The following ADGRB3 variants were observed in gnomAD, a reference collection of about 807,000 sequenced individuals.
ADGRB3 encodes brain-specific angiogenesis inhibitor 3.
Under a neutral mutation model 193.4 loss-of-function variants are expected in ADGRB3, and 37 were observed. The ratio of observed to expected loss-of-function variants is 0.19; its 90% CI spans 0.15 to 0.25. The LOEUF (loss-of-function observed/expected upper bound fraction) is 0.25, where lower values mean the gene tolerates loss of function less well. Among genes scored for constraint, ADGRB3 ranks in the 10% least tolerant of loss-of-function variants. The pLI is 1.00. For synonymous variants in ADGRB3, 690 were observed against 644.2 expected (o/e 1.07, Z -1.08); for missense variants, 1,637 against 1,852.9 (o/e 0.88, Z 2.14).
chr6:68,963,152 G>C (rs559552939), intron 8 of ADGRB3, among the ~76,000 whole-genome samples: 1 of 152,260 alleles, frequency 6.6e-6, no homozygotes, highest in East Asian at 1.9e-4. Context: ...TCCAGTAAGG[G>C]AGGAGCAGTG....
intron 8 of ADGRB3, 57 bp from the exon 9 acceptor site, chr6:68,974,706 A>G: frequency 2.0e-6 from 3 of 1,476,172 alleles, no homozygotes; most frequent in South Asian, 1.2e-5. Flanking sequence ...ACAATTGTTT[A>G]TTGCCAAAAT....
At chr6:69,380,343 A>G (rs1006876721) in intron 30 of ADGRB3, among the ~76,000 whole-genome samples, 1 of 151,956 alleles carries the variant, frequency 6.6e-6, no homozygotes, top group African/African-American at 2.4e-5. Flanking sequence ...ATGGGAAGGT[A>G]TAGTTCCCCA....
At chr6:69,373,338 G>T (rs1033409861) in intron 30 of ADGRB3, among the ~76,000 whole-genome samples, 6 of 151,944 alleles carry the variant, frequency 3.9e-5, no homozygotes, top group Non-Finnish European at 5.9e-5. Context: ...GTAGATCAAT[G>T]TTCTAGCTCT....
intron 3 of ADGRB3, among the ~76,000 whole-genome samples, chr6:68,644,547 A>C (rs960018246): frequency 6.6e-6 from 1 of 152,206 alleles, no homozygotes; most frequent in Non-Finnish European, 1.5e-5. Context: ...GAAGATAAAC[A>C]TAAGCTGTCT....
At chr6:69,039,880 T>G (rs1470242170) in intron 13 of ADGRB3, among the ~76,000 whole-genome samples, 1 of 151,690 alleles carries the variant, frequency 6.6e-6, no homozygotes, top group African/African-American at 2.4e-5. Flanking sequence ...TAGCTGGGAC[T>G]ACAGGCGCGT....
chr6:68,999,396 C>G (rs969311903), intron 11 of ADGRB3, among the ~76,000 whole-genome samples: 2 of 151,906 alleles, frequency 1.3e-5, no homozygotes, highest in Non-Finnish European at 2.9e-5. Context: ...TCCCGAGTAG[C>G]TGGGGCTACA....
chr6:68,885,737 C>T (rs118024798), intron 3 of ADGRB3, among the ~76,000 whole-genome samples: 9 of 152,228 alleles, frequency 5.9e-5, no homozygotes, highest in Non-Finnish European at 1.3e-4. Flanking sequence ...AGAAATTGTA[C>T]TACACTTTGT....
At chr6:68,915,543 A>G (rs556039795) in intron 3 of ADGRB3, among the ~76,000 whole-genome samples, 2 of 152,222 alleles carry the variant, frequency 1.3e-5, no homozygotes, top group African/African-American at 4.8e-5. Context: ...TTAGACAGCT[A>G]TATGCTCTAA....
In ADGRB3 at chr6:68,840,369, C is replaced by CT. The variant is rs752625602; in HGVS notation, c.758-90151dup. Reference sequence around the variant, plus strand: ...GCAGTGGAGTAAGGCACTGGGCAGTCTTTTTTTTTTTTTTTTTTTTTTTTT... The same window carrying CT: ...GCAGTGGAGTAAGGCACTGGGCAGTCTTTTTTTTTTTTTTTTTTTTTTTTTT... On this transcript the variant is annotated intron_variant, in intron 3 of 31. Transcript: ENST00000370598. Among the ~76,000 whole-genome samples, 113 of 69,420 alleles carry CT rather than the reference C, an allele frequency of 1.6e-3. 14 individuals carry two copies. The highest frequency in any genetic ancestry group is 3.5e-3 in the African/African-American group (47 of 13,412). The allele number at this position is 69,420 out of a possible 152,430, so 45.5% of individuals were successfully genotyped here.
intron 24 of ADGRB3, among the ~76,000 whole-genome samples, chr6:69,335,006 C>T (rs1240496479): frequency 2.0e-5 from 3 of 152,020 alleles, no homozygotes; most frequent in Non-Finnish European, 4.4e-5. Context: ...CCAGCCTGAA[C>T]AGATTAGGTT....
intron 2 of ADGRB3, 38 bp from the exon 3 acceptor site, chr6:68,638,623 C>T (rs1440477805): frequency 6.5e-7 from 1 of 1,530,924 alleles, no homozygotes; most frequent in African/African-American, 1.4e-5. Context: ...TGCACGTAGA[C>T]TCCTACTTGC....
chr6:68,719,011 G>A (rs1765530397), intron 3 of ADGRB3, among the ~76,000 whole-genome samples: 1 of 151,790 alleles, frequency 6.6e-6, no homozygotes, highest in Non-Finnish European at 1.5e-5. Flanking sequence ...GAACTAAAAT[G>A]TGTGGTGTAT....
At chr6:69,334,940 T>C (rs1317172678) in intron 24 of ADGRB3, among the ~76,000 whole-genome samples, 1 of 152,140 alleles carries the variant, frequency 6.6e-6, no homozygotes, top group East Asian at 1.9e-4. Context: ...AAGCACACTT[T>C]AGAGTATCTA....
At chr6:68,745,062 T>C (rs2127344037) in intron 3 of ADGRB3, among the ~76,000 whole-genome samples, 2 of 152,146 alleles carry the variant, frequency 1.3e-5, no homozygotes, top group Middle Eastern at 3.4e-3. Flanking sequence ...TATCTAAAAA[T>C]CACTATGCTC....
intron 17 of ADGRB3, among the ~76,000 whole-genome samples, chr6:69,079,530 C>A (rs1315020990): frequency 6.6e-6 from 1 of 152,052 alleles, no homozygotes; most frequent in Non-Finnish European, 1.5e-5. Flanking sequence ...CAAGGATGCC[C>A]TCTCTCACCA....
chr6:69,301,557 A>C (rs993111072), intron 20 of ADGRB3, among the ~76,000 whole-genome samples: 1 of 151,954 alleles, frequency 6.6e-6, no homozygotes, highest in Non-Finnish European at 1.5e-5. Context: ...GCAATATTGT[A>C]AATCTTGAAT....
intron 3 of ADGRB3, among the ~76,000 whole-genome samples, chr6:68,885,525 G>A (rs1461214328): frequency 6.6e-6 from 1 of 151,574 alleles, no homozygotes; most frequent in African/African-American, 2.4e-5. Context: ...TTTTGAAATA[G>A]ACAGTATATA....
At chr6:69,117,203 CA>C in intron 17 of ADGRB3, among the ~76,000 whole-genome samples, 1 of 152,276 alleles carries the variant, frequency 6.6e-6, no homozygotes, top group East Asian at 1.9e-4. Context: ...AATATAGTTA[CA>C]AAAATGCTTT....
At chr6:68,971,830 T>C (rs1189400632) in intron 8 of ADGRB3, among the ~76,000 whole-genome samples, 2 of 152,246 alleles carry the variant, frequency 1.3e-5, no homozygotes, top group African/African-American at 4.8e-5. Context: ...TTGGCATTAA[T>C]CTGGGCACCA....
Sources: gnomAD v4.1 joint callset for allele counts (sites outside exome capture counted in the v4.1 genomes callset) on GRCh38, gnomAD v4.1.1 for gene constraint, MANE v1.5 for transcripts, NCBI Gene and HGNC (gene_info 2026-07-23, HGNC 2026-07-21) for gene names.